Variants in SENP7 observed in about 807,000 individuals in gnomAD.
The protein encoded by SENP7 is SUMO specific peptidase 7, also known as sentrin-specific protease 7.
A neutral mutation model predicts 141.2 loss-of-function variants in SENP7; 64 were observed. The observed-to-expected ratio is 0.45, with a 90% CI of 0.37 to 0.56. The LOEUF (loss-of-function observed/expected upper bound fraction) is 0.56, where lower values mean the gene tolerates loss of function less well. Ranked by LOEUF, SENP7 falls within the 20% of genes least tolerant of loss-of-function variation. SENP7 has a pLI of 0.00. For missense variants in SENP7, 1,025 were observed against 1,212.2 expected (o/e 0.85, Z 2.29); for synonymous variants, 382 against 426.4 (o/e 0.90, Z 1.28).
chr3:101,370,178 T>C (rs948953051), intron 7 of SENP7, among the ~76,000 whole-genome samples: 1 of 152,220 alleles, frequency 6.6e-6, no homozygotes, highest in Non-Finnish European at 1.5e-5. Context: ...TCTTTTGTCA[T>C]GTACTCTTCC....
intron 3 of SENP7, among the ~76,000 whole-genome samples, chr3:101,461,393 T>C (rs1244955427): frequency 6.6e-6 from 1 of 151,882 alleles, no homozygotes; most frequent in Non-Finnish European, 1.5e-5. Flanking sequence ...AAAATTTATA[T>C]GGAAACACAA....
intron 4 of SENP7, among the ~76,000 whole-genome samples, chr3:101,425,522 CT>C (rs1487169003): frequency 1.3e-5 from 2 of 152,168 alleles, no homozygotes; most frequent in African/African-American, 4.8e-5. Context: ...AGGTTAGCAA[CT>C]TCAAAGACTG....
chr3:101,344,294 C>G (rs986539767), intron 13 of SENP7, among the ~76,000 whole-genome samples: 1 of 152,150 alleles, frequency 6.6e-6, no homozygotes, highest in Admixed American at 6.5e-5. Context: ...TGAATCAACT[C>G]TATCAACTAG....
chr3:101,361,925 C>A, intron 10 of SENP7, 64 bp from the exon 11 acceptor site: 1 of 1,467,900 alleles, frequency 6.8e-7, no homozygotes. Context: ...CTGAAAATGA[C>A]TTTCACCATC....
Position 101,347,961 on chromosome 3 carries a change from C to A in SENP7, c.1748G>T (p.Arg583Met), listed in dbSNP as rs376722329. The A allele has an allele frequency of 2.4e-5, 38 of 1,610,544 alleles. No homozygotes were observed. Among genetic ancestry groups the A allele is most frequent in the Non-Finnish European group, 3.2e-5 (38 of 1,177,672 alleles). ...WKSKDDNHSK[R>M]SHAILFFWVS... Reference sequence around the variant, plus strand: ...CCAGAAGAAAAGAATAGCATGACTCCTTTTACTGTGATTATCATCCTTACT... The same window carrying A: ...CCAGAAGAAAAGAATAGCATGACTCATTTTACTGTGATTATCATCCTTACT... The change falls in exon 13 of 24, where the codon AGG becomes ATG. Residue 583 changes from arginine (R) to methionine (M), a missense_variant. Around this residue, in one of 4 missense-constraint regions of SENP7, gnomAD observed 228 missense variants for 228.5 expected, o/e 1.00. Transcript: ENST00000394095.
At chr3:101,466,995 C>G (rs565925338) in intron 3 of SENP7, among the ~76,000 whole-genome samples, 3 of 152,184 alleles carry the variant, frequency 2.0e-5, no homozygotes, top group Non-Finnish European at 4.4e-5. Context: ...TGCACTTTTC[C>G]CAAGGTCTTA....
At chr3:101,420,921 A>C (rs1037972034) in intron 4 of SENP7, among the ~76,000 whole-genome samples, 3 of 152,192 alleles carry the variant, frequency 2.0e-5, no homozygotes, top group African/African-American at 7.2e-5. Context: ...TATAATAACC[A>C]AATACAATGC....
At chr3:101,394,285 T>A (rs9882920) in intron 6 of SENP7, among the ~76,000 whole-genome samples, 60,330 of 152,024 alleles carry the variant, frequency 0.4, 12,493 homozygotes, top group Admixed American at 0.54. Flanking sequence ...GATTTCATTC[T>A]TTTTTATGGC....
chr3:101,335,484 A>G (rs1257985910), intron 17 of SENP7, among the ~76,000 whole-genome samples: 1 of 152,172 alleles, frequency 6.6e-6, no homozygotes, highest in Non-Finnish European at 1.5e-5. Flanking sequence ...ACCAAGCATT[A>G]GTATTCACAC....
chr3:101,461,401 C>CA (rs1482828266), intron 3 of SENP7, among the ~76,000 whole-genome samples: 3 of 151,664 alleles, frequency 2.0e-5, no homozygotes, highest in African/African-American at 2.4e-5. Context: ...TATGGAAACA[C>CA]AAAAAAATGC....
chr3:101,391,290 A>G (rs1480994576), intron 6 of SENP7, among the ~76,000 whole-genome samples: 1 of 151,960 alleles, frequency 6.6e-6, no homozygotes, highest in Non-Finnish European at 1.5e-5. Flanking sequence ...AAGGATCAAC[A>G]TAATAAAAAT....
At position 101,458,947 on chromosome 3, in the gene SENP7, T is replaced by C. The variant is rs747063066; in HGVS notation, c.284+8A>G. 2 of 1,552,776 alleles carry C rather than the reference T, an allele frequency of 1.3e-6. No individual in the cohort carries two copies. The highest frequency in any genetic ancestry group is 4.5e-5 in the East Asian group (2 of 44,508). Reference sequence around the variant, plus strand: ...GCCCATACTATGTCGCACACACACATATCTTACCTTTCTGGTGATGACTTG... The same window carrying C: ...GCCCATACTATGTCGCACACACACACATCTTACCTTTCTGGTGATGACTTG... On this transcript the variant is annotated splice_region_variant and intron_variant, in intron 4 of 23. Coordinates refer to ENST00000394095, the MANE Select transcript of SENP7 (RefSeq NM_020654.5).
chr3:101,440,062 T>C (rs1244185101), intron 4 of SENP7, among the ~76,000 whole-genome samples: 6 of 44,390 alleles, frequency 1.4e-4, no homozygotes, highest in African/African-American at 3.8e-4. Context: ...CCACCCCGTC[T>C]GGGAGGTGTG....
At chr3:101,361,015 C>T (rs6802557) in intron 11 of SENP7, among the ~76,000 whole-genome samples, 60,325 of 151,786 alleles carry the variant, frequency 0.4, 12,502 homozygotes, top group Admixed American at 0.54. Context: ...ACCGGCTTGG[C>T]GAACATGGTG....
At chr3:101,417,255 T>C (rs574850167) in intron 5 of SENP7, among the ~76,000 whole-genome samples, 99 of 152,266 alleles carry the variant, frequency 6.5e-4, no homozygotes, top group African/African-American at 2.2e-3. Context: ...TTTATATGCA[T>C]ATAATACATA....
In SENP7 at chr3:101,421,352, C is replaced by A. The variant is rs1446776776; in HGVS notation, c.285-3562G>T. ...ATTATTTATACATTTTACAACTGTA[C>A]AATTTAAAATTCTAAATGACCAAAT... On this transcript the variant is annotated intron_variant, in intron 4 of 23. Transcript: ENST00000394095. Among the ~76,000 whole-genome samples, 4 of 150,974 alleles carry A rather than the reference C, an allele frequency of 2.6e-5. No homozygotes were observed. In the Admixed American group the frequency reaches 2.7e-4, roughly 10 times the overall value.
chr3:101,335,675 G>T (rs962173657), intron 17 of SENP7, among the ~76,000 whole-genome samples: 1 of 152,010 alleles, frequency 6.6e-6, no homozygotes, highest in Non-Finnish European at 1.5e-5. Flanking sequence ...TAGTTTGAAG[G>T]TGAGTATACA....
Position 101,449,324 on chromosome 3 carries a change from C to T in SENP7, c.284+9631G>A, listed in dbSNP as rs960147590. ...AGGATATTATCCAGGAGAACTTCCC[C>T]AATCTAGCAAGGCAGGCCAACATTC... On this transcript the variant is annotated intron_variant, in intron 4 of 23. Transcript: ENST00000394095. 4.3e-4 allele frequency among the ~76,000 whole-genome samples: 66 copies of T among 152,148 alleles called. 1 individual carries two copies. The highest frequency in any genetic ancestry group is 1.6e-3 in the African/African-American group (65 of 41,424).
At chr3:101,436,166 A>G (rs1395741085) in intron 4 of SENP7, among the ~76,000 whole-genome samples, 1 of 152,188 alleles carries the variant, frequency 6.6e-6, no homozygotes, top group Non-Finnish European at 1.5e-5. Context: ...AAGAACATAC[A>G]CTGATGGAAA....
Sources: allele counts gnomAD v4.1 joint callset (sites outside exome capture counted in the v4.1 genomes callset), GRCh38; gene constraint gnomAD v4.1.1; regional missense constraint gnomAD v4.1.1; transcripts MANE v1.5; gene names NCBI Gene and HGNC (gene_info 2026-07-23, HGNC 2026-07-21).